NF1: variants seen among roughly 807,000 people sequenced by gnomAD.
The protein encoded by NF1 is neurofibromin 1.
In NF1, 122 loss-of-function variants were observed where a neutral mutation model predicts 325.7. That is an observed-to-expected ratio of 0.37 (90% CI 0.32 to 0.44). The LOEUF (loss-of-function observed/expected upper bound fraction) is 0.44. Among genes scored for constraint, NF1 ranks in the 20% least tolerant of loss-of-function variants. The pLI is 1.00. For missense variants in NF1, 2,140 were observed against 3,415.4 expected (o/e 0.63, Z 9.31); for synonymous variants, 1,091 against 1,186.0 (o/e 0.92, Z 1.65).
intron 1 of NF1, among the ~76,000 whole-genome samples, chr17:31,129,859 C>G (rs1915203921): frequency 6.6e-6 from 1 of 152,068 alleles, no homozygotes; most frequent in Admixed American, 6.6e-5. Context: ...TCAACATTCT[C>G]CTGAATCTCA....
At position 31,375,060 on chromosome 17, in the gene NF1, A is replaced by G. The variant is rs1031674399; in HGVS notation, c.*905A>G. On this transcript the variant is annotated 3_prime_UTR_variant, in exon 58 of 58. Coordinates refer to ENST00000358273, the MANE Select transcript of NF1 (RefSeq NM_001042492.3). The stretch of plus-strand genomic sequence containing the variant: ...CCCCTCCCCCTCTTCTTTCCTAACT[A>G]ATTCTGAGCAGGGTAATCAGTGAAC... 4.7e-6 allele frequency: 1 copy of G among 211,322 alleles called. No individual in the cohort carries two copies. The highest frequency in any genetic ancestry group is 7.1e-5 in the East Asian group (1 of 14,146). The allele number at this position is 211,322 out of a possible 1,614,324, so 13.1% of individuals were successfully genotyped here. A position where few individuals can be genotyped will look rare whatever the true frequency, so the allele number is the denominator to read the frequency against.
rs775116904 is a variant in NF1 at position 31,252,935 on chromosome 17, T to C, written c.4111-3T>C. On this transcript the variant is annotated splice_region_variant and splice_polypyrimidine_tract_variant and intron_variant, in intron 30 of 57. Coordinates refer to ENST00000358273, the MANE Select transcript of NF1 (RefSeq NM_001042492.3). ...CTTGTTTGTGCTCATCTCTGTTCTGTAGGCAACTTGCCACTCCCTACTGAA... is the reference window on the plus strand; with the variant it reads ...CTTGTTTGTGCTCATCTCTGTTCTGCAGGCAACTTGCCACTCCCTACTGAA... The C allele has an allele frequency of 1.2e-6, 2 of 1,613,422 alleles. No individual in the cohort carries two copies. The highest frequency in any genetic ancestry group is 1.1e-5 in the South Asian group (1 of 91,058).
chr17:31,115,515 C>A (rs1307897472), intron 1 of NF1, among the ~76,000 whole-genome samples: 1 of 152,160 alleles, frequency 6.6e-6, no homozygotes, highest in Non-Finnish European at 1.5e-5. Flanking sequence ...ACTTGTGCCC[C>A]TTGATTCTCA....
At chr17:31,279,023 G>C (rs948036350) in intron 36 of NF1, among the ~76,000 whole-genome samples, 1 of 152,168 alleles carries the variant, frequency 6.6e-6, no homozygotes, top group African/African-American at 2.4e-5. Context: ...AGGATCACTT[G>C]AAGCCAGGGG....
At chr17:31,169,798 G>A (rs1021180457) in intron 4 of NF1, 93 bp from the exon 5 acceptor site, 13 of 849,982 alleles carry the variant, frequency 1.5e-5, no homozygotes, top group Non-Finnish European at 2.5e-5. Flanking sequence ...CTCCTGCCTT[G>A]GCCTCCTGAA....
At chr17:31,225,033 A>G (rs2144024745) in intron 16 of NF1, 62 bp from the exon 17 acceptor site, 1 of 1,566,432 alleles carries the variant, frequency 6.4e-7, no homozygotes, top group Non-Finnish European at 8.8e-7. Context: ...CAACTCAAAT[A>G]AGTGTTTATT....
chr17:31,289,541 C>T (rs1188686391), intron 36 of NF1, among the ~76,000 whole-genome samples: 1 of 152,204 alleles, frequency 6.6e-6, no homozygotes, highest in Middle Eastern at 3.4e-3. Flanking sequence ...AGCATTTTGG[C>T]ATTTTTCTTT....
At chr17:31,116,211 C>T (rs986783367) in intron 1 of NF1, among the ~76,000 whole-genome samples, 1 of 152,022 alleles carries the variant, frequency 6.6e-6, no homozygotes, top group South Asian at 2.1e-4. Flanking sequence ...CAGATTGACT[C>T]GGTATACTTT....
At chr17:31,123,413 T>C (rs1001681524) in intron 1 of NF1, among the ~76,000 whole-genome samples, 1 of 152,194 alleles carries the variant, frequency 6.6e-6, no homozygotes, top group African/African-American at 2.4e-5. Context: ...ATTATTTCTT[T>C]ATACAACTAG....
At chr17:31,225,326 A>G in intron 17 of NF1, 76 bp downstream of exon 17, 2 of 1,510,252 alleles carry the variant, frequency 1.3e-6, no homozygotes, top group Non-Finnish European at 1.8e-6. Context: ...GGTAAATTTC[A>G]TCTAGGTAAT....
At chr17:31,283,525 C>G (rs1385712339) in intron 36 of NF1, among the ~76,000 whole-genome samples, 1 of 152,046 alleles carries the variant, frequency 6.6e-6, no homozygotes, top group Non-Finnish European at 1.5e-5. Context: ...GCAGTCACAG[C>G]TCACTACAGC....
chr17:31,233,215 T>A lies in NF1; in HGVS notation c.3708+2T>A, dbSNP rs2151435843. ...AATGTGGTTCCTTGTTCTCAGTGGG[T>A]AAGTGATTAGAGTAAGCGGGGAAGA... On this transcript the variant is annotated splice_donor_variant, in intron 27 of 57. Transcript: ENST00000358273. LOFTEE classifies it high-confidence loss of function. The A allele has an allele frequency of 6.2e-7, 1 of 1,613,588 alleles. No homozygotes were observed. The highest frequency in any genetic ancestry group is 8.5e-7 in the Non-Finnish European group (1 of 1,179,504).
Position 31,235,667 on chromosome 17 carries a change from A to G in NF1, c.3765A>G (p.Gln1255=), listed in dbSNP as rs766896025. ...TTGATTCTCGGCATTTACTCTACCA[A>G]CTGCTCTGGAACATGTTTTCTAAAG... The part of the protein sequence containing the change: ...TLFDSRHLLY[Q]LLWNMFSKEV... Residue 1255 remains glutamine, a synonymous_variant, in exon 28 of 58, where the codon CAA becomes CAG. Transcript: ENST00000358273. The G allele has an allele frequency of 1.6e-5, 26 of 1,613,894 alleles. No individual in the cohort carries two copies. Among genetic ancestry groups the G allele is most frequent in the Middle Eastern group, 1.6e-4 (1 of 6,084 alleles).
At chr17:31,178,566 G>A (rs951456488) in intron 5 of NF1, among the ~76,000 whole-genome samples, 1 of 152,116 alleles carries the variant, frequency 6.6e-6, no homozygotes, top group Non-Finnish European at 1.5e-5. Context: ...ACACAGACTG[G>A]CAAATTGGAT....
intron 36 of NF1, chr17:31,304,093 C>G: frequency 1.7e-6 from 1 of 578,516 alleles, no homozygotes; most frequent in Non-Finnish European, 2.9e-6. Flanking sequence ...TGTTAAATAA[C>G]TTTTTTTAAA....
intron 29 of NF1, among the ~76,000 whole-genome samples, chr17:31,245,207 T>C (rs2067369988): frequency 6.6e-6 from 1 of 152,238 alleles, no homozygotes; most frequent in Non-Finnish European, 1.5e-5. Flanking sequence ...ATCTCATTCA[T>C]ACCTACCAAC....
At chr17:31,226,797 A>G (rs2067023699) in intron 18 of NF1, 113 bp downstream of exon 18, 11 of 1,399,598 alleles carry the variant, frequency 7.9e-6, no homozygotes, top group Admixed American at 1.7e-5. Flanking sequence ...AAATTCAAGT[A>G]GCTTACTTGA....
chr17:31,146,921 T>G (rs762358594), intron 1 of NF1, among the ~76,000 whole-genome samples: 4 of 152,258 alleles, frequency 2.6e-5, no homozygotes, highest in Non-Finnish European at 2.9e-5. Context: ...AGGGGCTGAC[T>G]GACAGCACTC....
intron 36 of NF1, among the ~76,000 whole-genome samples, chr17:31,285,323 G>A (rs1417280547): frequency 1.4e-5 from 2 of 143,388 alleles, no homozygotes; most frequent in Admixed American, 6.9e-5. Context: ...AACCATGTAA[G>A]AATAAATGCA....
Sources: gnomAD v4.1 joint callset for allele counts (sites outside exome capture counted in the v4.1 genomes callset) on GRCh38, gnomAD v4.1.1 for gene constraint, MANE v1.5 for transcripts, NCBI Gene and HGNC (gene_info 2026-07-23, HGNC 2026-07-21) for gene names.